CELF2: variants seen among roughly 807,000 people sequenced by gnomAD.
CELF2 encodes the protein CUG triplet repeat RNA-binding protein 2.
A neutral mutation model predicts 62.6 loss-of-function variants in CELF2; 8 were observed. The ratio of observed to expected loss-of-function variants is 0.13; its 90% CI spans 0.07 to 0.23. CELF2 has a LOEUF of 0.23. Among genes scored for constraint, CELF2 ranks in the 10% least tolerant of loss-of-function variants. The pLI is 1.00. For missense variants in CELF2, 333 were observed against 671.0 expected (o/e 0.50, Z 5.56); for synonymous variants, 258 against 250.0 (o/e 1.03, Z -0.30).
At chr10:11,281,725 C>T (rs117519980) in intron 8 of CELF2, among the ~76,000 whole-genome samples, 2,999 of 152,200 alleles carry the variant, frequency 0.02, 46 homozygotes, top group Non-Finnish European at 0.026. Context: ...AGCCCGGTGA[C>T]GGAGCAAGAC....
the CELF2 span, among the ~76,000 whole-genome samples, chr10:10,763,696 C>G: frequency 6.6e-6 from 1 of 152,086 alleles, no homozygotes; most frequent in Non-Finnish European, 1.5e-5. Context: ...AACAGAGGGT[C>G]CCTGTATTTT....
At chr10:11,184,684 G>C (rs902520184) in intron 2 of CELF2, among the ~76,000 whole-genome samples, 1 of 152,062 alleles carries the variant, frequency 6.6e-6, no homozygotes, top group African/African-American at 2.4e-5. Flanking sequence ...TATTCTATTT[G>C]CTATTTCCAA....
intron 2 of CELF2, among the ~76,000 whole-genome samples, chr10:11,188,584 G>C (rs1392121803): frequency 1.3e-5 from 2 of 151,880 alleles, no homozygotes; most frequent in Non-Finnish European, 1.5e-5. Context: ...GACTGGGTTT[G>C]AGTAATTTGA....
At chr10:11,094,343 G>A (rs993449556) in intron 1 of CELF2, among the ~76,000 whole-genome samples, 5 of 152,186 alleles carry the variant, frequency 3.3e-5, no homozygotes, top group Non-Finnish European at 5.9e-5. Context: ...CAAATTAGCC[G>A]TGGTTATAGA....
At chr10:10,893,188 A>G (rs75459797) in intron 1 of CELF2, among the ~76,000 whole-genome samples, 2,117 of 152,334 alleles carry the variant, frequency 0.014, 51 homozygotes, top group African/African-American at 0.046. Context: ...CTTCTTTTGC[A>G]GAGGCAGGGC....
chr10:10,916,558 C>G (rs7907344), intron 1 of CELF2, among the ~76,000 whole-genome samples: 1 of 151,924 alleles, frequency 6.6e-6, no homozygotes, highest in Non-Finnish European at 1.5e-5. Flanking sequence ...GAATAAAGTT[C>G]TGCATTGTCT....
In CELF2 at chr10:11,267,297, T is replaced by C. The variant is rs2138414391; in HGVS notation, c.618+620T>C. On this transcript the variant is annotated intron_variant, in intron 6 of 12. Coordinates refer to ENST00000633077, the MANE Select transcript of CELF2 (RefSeq NM_001326342.2). This position sits in a 1 kb window ranked among gnomAD's most constrained non-coding sequence, Gnocchi z 4.4. The stretch of plus-strand genomic sequence containing the variant: ...TAATAAAGGCTCAAATGTGGTCTCC[T>C]AATGAGAGATCATGGCTTTAGGGGA... Among the ~76,000 whole-genome samples, 1 of 152,358 alleles carries C rather than the reference T, an allele frequency of 6.6e-6. No individual in the cohort carries two copies. Among genetic ancestry groups the C allele is most frequent in the African/African-American group, 2.4e-5 (1 of 41,592 alleles).
chr10:11,022,223 G>A (rs2058443430), intron 1 of CELF2, among the ~76,000 whole-genome samples: 1 of 152,164 alleles, frequency 6.6e-6, no homozygotes, highest in Non-Finnish European at 1.5e-5. Context: ...TTTTTCAGTT[G>A]AGATTGCTCC....
the CELF2 span, among the ~76,000 whole-genome samples, chr10:10,481,728 C>T: frequency 6.6e-6 from 1 of 152,100 alleles, no homozygotes; most frequent in African/African-American, 2.4e-5. Context: ...CTTCAGATCT[C>T]GATATTTTGT....
chr10:11,091,304 G>T (rs996514855), intron 1 of CELF2, among the ~76,000 whole-genome samples: 1 of 152,168 alleles, frequency 6.6e-6, no homozygotes, highest in Non-Finnish European at 1.5e-5. Flanking sequence ...TCCAGGACAG[G>T]GGAGGTAAGG....
At chr10:10,542,374 A>C in the CELF2 span, among the ~76,000 whole-genome samples, 1 of 152,184 alleles carries the variant, frequency 6.6e-6, no homozygotes, top group Admixed American at 6.5e-5. Context: ...GAAAGAAAAA[A>C]AACACCAGGG....
At chr10:10,475,887 T>C in the CELF2 span, among the ~76,000 whole-genome samples, 1 of 152,156 alleles carries the variant, frequency 6.6e-6, no homozygotes, top group Non-Finnish European at 1.5e-5. Flanking sequence ...TGTACTCCAC[T>C]TTTAAGCTGT....
At chr10:10,892,070 A>G (rs376286819) in intron 1 of CELF2, among the ~76,000 whole-genome samples, 1 of 152,206 alleles carries the variant, frequency 6.6e-6, no homozygotes, top group Non-Finnish European at 1.5e-5. Flanking sequence ...TGCAAAAAAA[A>G]CCTTTATTTA....
chr10:11,140,925 G>A (rs1386547731), intron 1 of CELF2, among the ~76,000 whole-genome samples: 1 of 152,212 alleles, frequency 6.6e-6, no homozygotes, highest in Non-Finnish European at 1.5e-5. Context: ...GCTGACATGG[G>A]AAGGTCGCTT....
At chr10:11,281,503 T>A (rs1177941960) in intron 8 of CELF2, among the ~76,000 whole-genome samples, 2 of 152,138 alleles carry the variant, frequency 1.3e-5, no homozygotes, top group Non-Finnish European at 2.9e-5. Flanking sequence ...CTCACACTTG[T>A]AGTCCCAGCA....
chr10:10,508,890 G>T, the CELF2 span, among the ~76,000 whole-genome samples: 100 of 152,066 alleles, frequency 6.6e-4, no homozygotes, highest in African/African-American at 2.3e-3. Flanking sequence ...TAGCCAGGTT[G>T]GTCTTGAACT....
At chr10:11,032,623 G>A (rs2060307526) in intron 1 of CELF2, among the ~76,000 whole-genome samples, 1 of 152,150 alleles carries the variant, frequency 6.6e-6, no homozygotes, top group African/African-American at 2.4e-5. Flanking sequence ...TACAATCTAC[G>A]TGGTATCTCA....
chr10:10,631,516 T>C, the CELF2 span, among the ~76,000 whole-genome samples: 1 of 152,214 alleles, frequency 6.6e-6, no homozygotes, highest in Non-Finnish European at 1.5e-5. Flanking sequence ...CCACCCATTC[T>C]GTTGAGAAAT....
rs889851707 is a variant in CELF2, at chr10:10,885,532, G to A, written c.54-34432G>A. ...AGTTTATAAAAATACTTACATAAAGGAAGCAAGCTCACAGAACAGTTTTTT... is the reference window on the plus strand; with the variant it reads ...AGTTTATAAAAATACTTACATAAAGAAAGCAAGCTCACAGAACAGTTTTTT... On this transcript the variant is annotated intron_variant, in intron 1 of 13. Transcript: ENST00000636488. Among the ~76,000 whole-genome samples, 6 of 151,874 alleles carry A rather than the reference G, an allele frequency of 4.0e-5. No individual in the cohort carries two copies. The South Asian group carries it at 1.0e-3, about 26-fold the overall frequency.
Sources: allele counts gnomAD v4.1 joint callset (sites outside exome capture counted in the v4.1 genomes callset), GRCh38; gene constraint gnomAD v4.1.1; non-coding constraint Gnocchi (gnomAD v3.1); transcripts MANE v1.5; gene names NCBI Gene and HGNC (gene_info 2026-07-23, HGNC 2026-07-21).